SNX30: variants seen among roughly 807,000 people sequenced by gnomAD.
SNX30 encodes sorting nexin family member 30.
Under a neutral mutation model 46.4 loss-of-function variants are expected in SNX30, and 24 were observed. That is an observed-to-expected ratio of 0.52 (90% CI 0.37 to 0.73). The LOEUF (loss-of-function observed/expected upper bound fraction) is 0.73, where lower values mean the gene tolerates loss of function less well. Among genes scored for constraint, SNX30 ranks in the 30% least tolerant of loss-of-function variants. The pLI is 0.00. For synonymous variants in SNX30, 189 were observed against 211.5 expected (o/e 0.89, Z 0.92); for missense variants, 533 against 555.7 (o/e 0.96, Z 0.41).
intron 3 of SNX30, among the ~76,000 whole-genome samples, chr9:112,827,390 AGGT>A (rs2047984996): frequency 6.6e-6 from 1 of 152,228 alleles, no homozygotes; most frequent in African/African-American, 2.4e-5. Context: ...AACAGCTAGT[AGGT>A]GGCAAAGTCA....
intron 1 of SNX30, among the ~76,000 whole-genome samples, chr9:112,786,377 T>C (rs1407093158): frequency 6.6e-6 from 1 of 152,182 alleles, no homozygotes. Flanking sequence ...TGCTGTAGCC[T>C]CCCAAAGTGC....
chr9:112,775,481 T>G (rs889998824), intron 1 of SNX30, among the ~76,000 whole-genome samples: 3 of 152,016 alleles, frequency 2.0e-5, no homozygotes, highest in African/African-American at 7.2e-5. Flanking sequence ...TCAGGAGTTC[T>G]TTATATATTC....
At chr9:112,865,651 A>ATGTGTGTGTGTGTGTGTG (rs1170776453) in intron 8 of SNX30, among the ~76,000 whole-genome samples, 6 of 86,146 alleles carry the variant, frequency 7.0e-5, no homozygotes, top group Admixed American at 1.1e-4. Context: ...ATATATATAT[A>ATGTGTGTGTGTGTGTGTG]TATATATATA....
chr9:112,797,873 AT>A (rs55871515), intron 1 of SNX30, among the ~76,000 whole-genome samples: 16,854 of 121,754 alleles, frequency 0.14, 1,113 homozygotes, highest in African/African-American at 0.21. Flanking sequence ...TAATATTGGT[AT>A]TTTTTTTTTT....
intron 3 of SNX30, among the ~76,000 whole-genome samples, chr9:112,822,539 T>G (rs1393940182): frequency 3.3e-5 from 4 of 122,744 alleles, no homozygotes; most frequent in African/African-American, 1.1e-4. Flanking sequence ...CTGTTTTGTT[T>G]TGTTTTTTTT....
intron 6 of SNX30, among the ~76,000 whole-genome samples, chr9:112,848,001 C>T (rs568858209): frequency 1.3e-4 from 20 of 152,254 alleles, no homozygotes; most frequent in Admixed American, 1.3e-3. Context: ...GCTGTATCCC[C>T]GTCCCTGGCT....
At chr9:112,810,879 T>C (rs1385007223) in intron 2 of SNX30, among the ~76,000 whole-genome samples, 3 of 151,484 alleles carry the variant, frequency 2.0e-5, no homozygotes, top group East Asian at 1.9e-4. Flanking sequence ...CACAGGGCGG[T>C]TGGGGAGTGG....
intron 5 of SNX30, among the ~76,000 whole-genome samples, chr9:112,837,174 T>C (rs1167400223): frequency 6.6e-6 from 1 of 152,194 alleles, no homozygotes; most frequent in Admixed American, 6.5e-5. Flanking sequence ...TGACAAATGA[T>C]GGGCCAGATT....
At chr9:112,790,313 C>G (rs1358346408) in intron 1 of SNX30, among the ~76,000 whole-genome samples, 1 of 152,166 alleles carries the variant, frequency 6.6e-6, no homozygotes, top group Admixed American at 6.5e-5. Flanking sequence ...ATTATATGTA[C>G]TAGTCAGCTT....
chr9:112,790,008 C>T (rs1315983304), intron 1 of SNX30, among the ~76,000 whole-genome samples: 1 of 152,274 alleles, frequency 6.6e-6, no homozygotes, highest in South Asian at 2.1e-4. Flanking sequence ...AGGGGGGATA[C>T]TAACTTAGAA....
chr9:112,789,480 A>G (rs768048057), intron 1 of SNX30, among the ~76,000 whole-genome samples: 2 of 152,182 alleles, frequency 1.3e-5, no homozygotes, highest in Non-Finnish European at 2.9e-5. Flanking sequence ...ATTCCCAACT[A>G]AAGTTATTTA....
chr9:112,808,073 GT>G lies in SNX30; in HGVS notation c.348+3107del, dbSNP rs1199365369. Among the ~76,000 whole-genome samples, 12 of 152,108 alleles carry G rather than the reference GT, an allele frequency of 7.9e-5. No homozygotes were observed. In the East Asian group the frequency reaches 2.3e-3, roughly 29 times the overall value. On this transcript the variant is annotated intron_variant, in intron 2 of 8. Coordinates refer to ENST00000374232, the MANE Select transcript of SNX30 (RefSeq NM_001012994.2). ...ATAGTGACACCAGGTTTATATTTTG[GT>G]GGTGCATTCAGAGGCTTCTTTCTGA...
chr9:112,823,484 A>G (rs1196657273), intron 3 of SNX30, among the ~76,000 whole-genome samples: 1 of 152,238 alleles, frequency 6.6e-6, no homozygotes, highest in East Asian at 1.9e-4. Flanking sequence ...TTCCTGGAGC[A>G]CTAGTTACAC....
At chr9:112,827,362 A>G (rs910693566) in intron 3 of SNX30, among the ~76,000 whole-genome samples, 26 of 152,240 alleles carry the variant, frequency 1.7e-4, no homozygotes, top group African/African-American at 6.3e-4. Context: ...AGAAATGTAT[A>G]GAACTTGACG....
intron 6 of SNX30, among the ~76,000 whole-genome samples, chr9:112,848,857 G>A (rs1434766793): frequency 6.6e-6 from 1 of 152,172 alleles, no homozygotes; most frequent in Non-Finnish European, 1.5e-5. Context: ...TAGCTGAGTG[G>A]GGTTGATGCA....
chr9:112,837,569 G>A (rs898551732), intron 5 of SNX30, among the ~76,000 whole-genome samples: 4 of 151,930 alleles, frequency 2.6e-5, no homozygotes, highest in South Asian at 4.2e-4. Flanking sequence ...GCCGCCTCCC[G>A]GGTTCACGCC....
Position 112,870,668 on chromosome 9 carries a change from T to C in SNX30, c.*1825T>C, listed in dbSNP as rs1841431731. 6.6e-6 allele frequency: 1 copy of C among 152,270 alleles called. No homozygotes were observed. The highest frequency in any genetic ancestry group is 6.5e-5 in the Admixed American group (1 of 15,286). The allele number at this position is 152,270 out of a possible 1,614,324, so 9.4% of individuals were successfully genotyped here. A position where few individuals can be genotyped will look rare whatever the true frequency, so the allele number is the denominator to read the frequency against. On this transcript the variant is annotated 3_prime_UTR_variant, in exon 9 of 9. Coordinates refer to ENST00000374232, the MANE Select transcript of SNX30 (RefSeq NM_001012994.2). ...CCCCGAGTGATTGCATGCTTTATTC[T>C]ACCTCTAAGCCATCGTGTTGACGTG...
intron 3 of SNX30, among the ~76,000 whole-genome samples, chr9:112,818,209 T>C (rs1322259067): frequency 6.6e-6 from 1 of 151,152 alleles, no homozygotes; most frequent in East Asian, 1.9e-4. Flanking sequence ...CTTTTTTTTT[T>C]TTTTTTTTTT....
At chr9:112,853,483 G>A (rs963519791) in intron 7 of SNX30, among the ~76,000 whole-genome samples, 8 of 152,196 alleles carry the variant, frequency 5.3e-5, no homozygotes, top group Non-Finnish European at 1.0e-4. Flanking sequence ...GAATGACATA[G>A]GATGATTTAT....
Sources: allele counts gnomAD v4.1 joint callset (sites outside exome capture counted in the v4.1 genomes callset), GRCh38; gene constraint gnomAD v4.1.1; transcripts MANE v1.5; gene names NCBI Gene and HGNC (gene_info 2026-07-23, HGNC 2026-07-21).